ZNF644: variants seen among roughly 807,000 people sequenced by gnomAD.
ZNF644 encodes zinc finger protein 644, also known as zinc finger motif enhancer binding protein 2.
In ZNF644, 20 loss-of-function variants were observed where a neutral mutation model predicts 108.0. That is an observed-to-expected ratio of 0.19 (90% CI 0.13 to 0.27). The LOEUF is 0.27. ZNF644 is among the 10% of genes least tolerant of loss of function. The pLI is 1.00. For synonymous variants in ZNF644, 542 were observed against 539.1 expected (o/e 1.01, Z -0.08); for missense variants, 1,338 against 1,548.9 (o/e 0.86, Z 2.29).
At chr1:90,980,756 A>G (rs1460023517) in intron 2 of ZNF644, among the ~76,000 whole-genome samples, 1 of 152,212 alleles carries the variant, frequency 6.6e-6, no homozygotes, top group Non-Finnish European at 1.5e-5. Context: ...GAACAGGCAA[A>G]ACTAAATTAT....
At chr1:90,975,451 T>C (rs2101377475) in intron 2 of ZNF644, among the ~76,000 whole-genome samples, 1 of 151,146 alleles carries the variant, frequency 6.6e-6, no homozygotes, top group East Asian at 1.9e-4. Context: ...TTTTTTTTTT[T>C]TTTTGAGACA....
intron 1 of ZNF644, 33 bp from the exon 2 acceptor site, chr1:90,982,403 A>G: frequency 6.4e-7 from 1 of 1,557,488 alleles, no homozygotes; most frequent in Non-Finnish European, 8.8e-7. Context: ...CCAAGGTTTA[A>G]TTTTTTGTTT....
chr1:90,955,414 G>C (rs995746251), intron 2 of ZNF644, among the ~76,000 whole-genome samples: 4 of 152,228 alleles, frequency 2.6e-5, no homozygotes, highest in African/African-American at 9.6e-5. Flanking sequence ...GAAAGTGCTA[G>C]ATGGCATCTT....
At chr1:91,017,347 C>G (rs1660516476) in intron 1 of ZNF644, among the ~76,000 whole-genome samples, 1 of 152,014 alleles carries the variant, frequency 6.6e-6, no homozygotes, top group Non-Finnish European at 1.5e-5. Context: ...ATGGGAAGAC[C>G]ACAGCTAGCA....
At chr1:90,971,540 C>T (rs1173621186) in intron 2 of ZNF644, among the ~76,000 whole-genome samples, 1 of 152,046 alleles carries the variant, frequency 6.6e-6, no homozygotes, top group Non-Finnish European at 1.5e-5. Context: ...CTGCCTCAGC[C>T]TCCTGAGTAG....
In ZNF644 at chr1:90,937,743, C is replaced by A; in HGVS notation, c.3430G>T (p.Glu1144Ter). ...TCATTTAAGAAATTCAGCCCTTCTTCTTCTGATGCAGACACTGACAGAGCT... is the reference window on the plus strand; with the variant it reads ...TCATTTAAGAAATTCAGCCCTTCTTATTCTGATGCAGACACTGACAGAGCT... Reference protein sequence around the residue: ...TEALSVSASEEEGLNFLNEYD... With the variant: ...TEALSVSASE The change falls in exon 4 of 6, where the codon GAA (glutamate) becomes TAA (stop). Residue 1144 changes from glutamate (E) to a stop codon, truncating the protein, a stop_gained. Coordinates refer to ENST00000337393, the MANE Select transcript of ZNF644 (RefSeq NM_201269.3). LOFTEE classifies it high-confidence loss of function. 1 of 1,613,804 alleles carries A rather than the reference C, an allele frequency of 6.2e-7. No homozygotes were observed.
In ZNF644 at chr1:90,938,814, G is replaced by A; in HGVS notation, c.2540C>T (p.Ala847Val). The change falls in exon 3 of 6, where the codon GCT becomes GTT. Residue 847 changes from alanine (A) to valine (V), a missense_variant. Ala to Val is a moderately conservative substitution (Grantham distance 64). Coordinates refer to ENST00000337393, the MANE Select transcript of ZNF644 (RefSeq NM_201269.3). This position sits in a 1 kb window ranked among gnomAD's most constrained non-coding sequence, Gnocchi z 4.2. ...TVVVLQKLNS[A>V]EKKDSYETED... ...TGTTTCATAACTATCTTTCTTTTCA[G>A]CAGAATTAAGTTTTTGCAAAACGAC... 4 of 1,613,598 alleles carry A rather than the reference G, an allele frequency of 2.5e-6. No individual in the cohort carries two copies. The highest frequency in any genetic ancestry group is 3.4e-6 in the Non-Finnish European group (4 of 1,179,900).
At chr1:90,961,665 G>A (rs1348574018) in intron 2 of ZNF644, among the ~76,000 whole-genome samples, 1 of 152,040 alleles carries the variant, frequency 6.6e-6, no homozygotes, top group Non-Finnish European at 1.5e-5. Context: ...TTTTGTTCTG[G>A]AATGTATATT....
rs1648670012 is a variant in ZNF644 at position 90,915,467 on chromosome 1, C to T, written c.*1331G>A. On this transcript the variant is annotated 3_prime_UTR_variant, in exon 6 of 6. Transcript: ENST00000337393. ...TACGAAGCAAAGAATCAATGCATATCCTTGGTTCAACTATAGTATTAGCCA... is the reference window on the plus strand; with the variant it reads ...TACGAAGCAAAGAATCAATGCATATTCTTGGTTCAACTATAGTATTAGCCA... 6.6e-6 allele frequency: 1 copy of T among 152,478 alleles called. No homozygotes were observed. The highest frequency in any genetic ancestry group is 1.5e-5 in the Non-Finnish European group (1 of 67,962). The allele number at this position is 152,478 out of a possible 1,614,324, so 9.4% of individuals were successfully genotyped here. A position where few individuals can be genotyped will look rare whatever the true frequency, so the allele number is the denominator to read the frequency against.
Position 90,939,521 on chromosome 1 carries a change from T to C in ZNF644, c.1833A>G (p.Ser611=). The C allele has an allele frequency of 6.2e-7, 1 of 1,613,974 alleles. No individual in the cohort carries two copies. Among genetic ancestry groups the C allele is most frequent in the East Asian group, 2.2e-5 (1 of 44,882 alleles). The change falls in exon 3 of 6, where the codon TCA becomes TCG. Residue 611 remains serine (S), a synonymous_variant. Transcript: ENST00000337393. ...LKKHTEYLHS[S]SCVDSFGSPL... is the part of the protein sequence containing the mutation. ...GACTACCAAATGAATCAACACATGA[T>C]GATGAATGCAAGTACTCCGTGTGCT...
At chr1:90,963,858 G>A (rs1468961042) in intron 2 of ZNF644, among the ~76,000 whole-genome samples, 2 of 152,020 alleles carry the variant, frequency 1.3e-5, no homozygotes, top group Non-Finnish European at 2.9e-5. Context: ...GTCATGGAGT[G>A]TTTACTTTGT....
chr1:90,956,441 C>A (rs1315192380), intron 2 of ZNF644, among the ~76,000 whole-genome samples: 1 of 152,196 alleles, frequency 6.6e-6, no homozygotes, highest in African/African-American at 2.4e-5. Context: ...ATCTCAGCTT[C>A]AGTCTGCATT....
intron 1 of ZNF644, among the ~76,000 whole-genome samples, chr1:91,014,748 AG>A (rs77426365): frequency 0.11 from 16,919 of 151,680 alleles, 1,027 homozygotes; most frequent in South Asian, 0.16. Flanking sequence ...ACTTGAAATA[AG>A]GGGGGGGAGA....
At chr1:90,973,902 T>C (rs1444066621) in intron 2 of ZNF644, among the ~76,000 whole-genome samples, 18 of 152,126 alleles carry the variant, frequency 1.2e-4, no homozygotes, top group Admixed American at 9.2e-4. Flanking sequence ...ACCTTGGCAT[T>C]TGAGAAAACA....
At chr1:91,014,507 A>G (rs1660260957) in intron 1 of ZNF644, among the ~76,000 whole-genome samples, 1 of 152,194 alleles carries the variant, frequency 6.6e-6, no homozygotes, top group Non-Finnish European at 1.5e-5. Flanking sequence ...TTTTACTTAT[A>G]TACAATTCTA....
chr1:91,005,355 G>A (rs1659315086), intron 1 of ZNF644, among the ~76,000 whole-genome samples: 1 of 151,990 alleles, frequency 6.6e-6, no homozygotes, highest in Non-Finnish European at 1.5e-5. Context: ...GAATTGAAAG[G>A]CAGAATATAA....
At chr1:90,973,035 G>C (rs1261505246) in intron 2 of ZNF644, 2 of 151,918 alleles carry the variant, frequency 1.3e-5, no homozygotes, top group South Asian at 2.1e-4. Context: ...GTGGTGATGA[G>C]TGCACATTAT....
chr1:91,013,472 C>CACACACACAT (rs1278427215), intron 1 of ZNF644, among the ~76,000 whole-genome samples: 2 of 149,428 alleles, frequency 1.3e-5, no homozygotes, highest in Admixed American at 6.6e-5. Flanking sequence ...CACACACACA[C>CACACACACAT]ACACACACAC....
intron 1 of ZNF644, among the ~76,000 whole-genome samples, chr1:90,983,248 G>C (rs1408126839): frequency 6.6e-6 from 1 of 151,900 alleles, no homozygotes; most frequent in East Asian, 1.9e-4. Context: ...CACAGACCTA[G>C]AATTTTCTGC....
Sources: gnomAD v4.1 joint callset for allele counts (sites outside exome capture counted in the v4.1 genomes callset) on GRCh38, gnomAD v4.1.1 for gene constraint, Gnocchi (gnomAD v3.1) non-coding constraint, MANE v1.5 for transcripts, NCBI Gene and HGNC (gene_info 2026-07-23, HGNC 2026-07-21) for gene names.